The following RIMKLB variants were observed in gnomAD, a reference collection of about 807,000 sequenced individuals.
RIMKLB encodes the protein beta-citrylglutamate synthase B.
Under a neutral mutation model 32.0 loss-of-function variants are expected in RIMKLB, and 7 were observed. That is an observed-to-expected ratio of 0.22 (90% CI 0.12 to 0.41). The LOEUF (loss-of-function observed/expected upper bound fraction) is 0.41, where lower values mean the gene tolerates loss of function less well. Among genes scored for constraint, RIMKLB ranks in the 10% least tolerant of loss-of-function variants. The probability of loss-of-function intolerance (pLI) is 1.00; values close to 1 mark genes in which losing one functional copy is unlikely to be tolerated. For synonymous variants in RIMKLB, 172 were observed against 185.1 expected (o/e 0.93, Z 0.57); for missense variants, 289 against 498.7 (o/e 0.58, Z 4.00).
rs778280055 is a variant in RIMKLB, at chr12:8,753,416, T to G, written c.494-474T>G. Among the ~76,000 whole-genome samples the G allele has an allele frequency of 3.3e-5, 5 of 152,292 alleles. No individual in the cohort carries two copies. The East Asian group carries it at 7.7e-4, about 23-fold the overall frequency. On this transcript the variant is annotated intron_variant, in intron 4 of 5. Transcript: ENST00000535829. ...GAACCATATATCAAAAACAGCCACT[T>G]CCGTTGGCACAGAAATAGACAAATA...
chr12:8,697,831 C>G (rs959613480), upstream of RIMKLB: 8 of 147,086 alleles, frequency 5.4e-5, no homozygotes, highest in African/African-American at 2.0e-4. Context: ...CCCAGCTCCT[C>G]CGGCCGCCGC....
chr12:8,731,775 T>G (rs7953800), intron 2 of RIMKLB, among the ~76,000 whole-genome samples: 5,026 of 152,246 alleles, frequency 0.033, 281 homozygotes, highest in African/African-American at 0.11. Context: ...TGCGGATTTT[T>G]TTTTAACTTT....
chr12:8,775,208 G>T lies in RIMKLB; in HGVS notation c.*1424G>T, dbSNP rs186336552. 12 of 985,604 alleles carry T rather than the reference G, an allele frequency of 1.2e-5. No individual in the cohort carries two copies. In the East Asian group the frequency reaches 1.0e-3, roughly 84 times the overall value. 61.1% of individuals were successfully genotyped at this position (985,604 alleles called of 1,614,324 possible). A position where few individuals can be genotyped will look rare whatever the true frequency, so the allele number is the denominator to read the frequency against. On this transcript the variant is annotated 3_prime_UTR_variant, in exon 6 of 6. Coordinates refer to ENST00000535829, the MANE Select transcript of RIMKLB (RefSeq NM_001297776.2). The stretch of plus-strand genomic sequence containing the variant: ...ATGCATTTTCTCTTTTTACATATAG[G>T]ATTTGGGATTGGGGGTGGGTTGGAT...
intron 2 of RIMKLB, chr12:8,742,787 C>A (rs888631138): frequency 4.5e-6 from 1 of 220,156 alleles, no homozygotes; most frequent in East Asian, 1.2e-4. Context: ...TTTCCAGGAG[C>A]TGTGCCTTCT....
intron 5 of RIMKLB, among the ~76,000 whole-genome samples, chr12:8,771,682 C>T (rs2058456): frequency 0.18 from 28,026 of 151,510 alleles, 2,920 homozygotes; most frequent in East Asian, 0.4. Context: ...TTTTTAGTGG[C>T]GCTCACATTT....
In RIMKLB at chr12:8,754,030, C is replaced by G; in HGVS notation, c.634C>G (p.Arg212Gly). 1 of 1,613,924 alleles carries G rather than the reference C, an allele frequency of 6.2e-7. No homozygotes were observed. Among genetic ancestry groups the G allele is most frequent in the South Asian group, 1.1e-5 (1 of 91,070 alleles). ...RDVRVIVVGG[R>G]VVGTMLRCST... ...TGTACGTGTCATTGTCGTGGGAGGCCGTGTGGTTGGCACCATGTTACGTTG... is the reference window on the plus strand; with the variant it reads ...TGTACGTGTCATTGTCGTGGGAGGCGGTGTGGTTGGCACCATGTTACGTTG... Residue 212 changes from arginine to glycine, a missense_variant, in exon 5 of 6, where the codon CGT becomes GGT. Transcript: ENST00000535829.
At chr12:8,712,295 C>T (rs1305999636) in intron 1 of RIMKLB, among the ~76,000 whole-genome samples, 1 of 152,052 alleles carries the variant, frequency 6.6e-6, no homozygotes, top group Non-Finnish European at 1.5e-5. Flanking sequence ...TATGGTGGCA[C>T]ATGCTACTTG....
At chr12:8,720,940 A>C (rs879815268) in intron 2 of RIMKLB, among the ~76,000 whole-genome samples, 2 of 152,222 alleles carry the variant, frequency 1.3e-5, no homozygotes, top group Non-Finnish European at 2.9e-5. Flanking sequence ...CTCAGAGTCT[A>C]CTGGGACAGA....
chr12:8,763,015 C>T (rs1479534717), intron 5 of RIMKLB, among the ~76,000 whole-genome samples: 3 of 152,122 alleles, frequency 2.0e-5, no homozygotes, highest in African/African-American at 7.2e-5. Flanking sequence ...TTTAATAGAG[C>T]CTGATATTTA....
intron 5 of RIMKLB, among the ~76,000 whole-genome samples, chr12:8,757,150 G>GAT (rs1949109695): frequency 6.6e-6 from 1 of 151,674 alleles, no homozygotes; most frequent in Non-Finnish European, 1.5e-5. Context: ...TTAATTAATA[G>GAT]TTACTCTTCA....
chr12:8,782,300 A>G (rs894672409), intron 7 of RIMKLB, among the ~76,000 whole-genome samples: 4 of 152,104 alleles, frequency 2.6e-5, no homozygotes, highest in African/African-American at 9.7e-5. Flanking sequence ...AATTTTTGTT[A>G]GATTTTTTCT....
intron 2 of RIMKLB, among the ~76,000 whole-genome samples, chr12:8,727,900 CAAA>C (rs112200431): frequency 5.2e-5 from 7 of 135,428 alleles, no homozygotes; most frequent in East Asian, 4.4e-4. Flanking sequence ...GACATTGTCT[CAAA>C]AAAAAAAAAA....
chr12:8,714,432 A>G (rs112397564), intron 2 of RIMKLB, among the ~76,000 whole-genome samples: 5,107 of 152,256 alleles, frequency 0.034, 295 homozygotes, highest in African/African-American at 0.12. Context: ...ACTGTCTTCT[A>G]TTTTTAAAAT....
intron 2 of RIMKLB, among the ~76,000 whole-genome samples, chr12:8,741,759 G>A (rs574227932): frequency 3.9e-5 from 6 of 151,922 alleles, no homozygotes; most frequent in South Asian, 2.1e-4. Flanking sequence ...CAGCCTGGGC[G>A]ACAGAGCAAG....
At chr12:8,689,325 T>C (rs920218797) in intron 1 of RIMKLB, among the ~76,000 whole-genome samples, 11 of 152,268 alleles carry the variant, frequency 7.2e-5, no homozygotes, top group Non-Finnish European at 1.6e-4. Context: ...TTAGACTGAA[T>C]GTGGGCTGAA....
chr12:8,675,612 A>T, the RIMKLB span, among the ~76,000 whole-genome samples: 1 of 152,166 alleles, frequency 6.6e-6, no homozygotes, highest in Non-Finnish European at 1.5e-5. Context: ...GGAAACATCA[A>T]CTCCAAAAGA....
intron 1 of RIMKLB, among the ~76,000 whole-genome samples, chr12:8,711,651 C>T (rs1944389617): frequency 6.6e-6 from 1 of 151,954 alleles, no homozygotes; most frequent in African/African-American, 2.4e-5. Context: ...GTATATCTCC[C>T]AATGCTATCC....
chr12:8,732,707 A>G (rs1364479240), intron 2 of RIMKLB, among the ~76,000 whole-genome samples: 1 of 152,052 alleles, frequency 6.6e-6, no homozygotes, highest in Non-Finnish European at 1.5e-5. Flanking sequence ...CTTCTTGAAT[A>G]TTCTTCCGGG....
upstream of RIMKLB, chr12:8,697,717 C>T (rs972804339): frequency 1.8e-5 from 5 of 273,668 alleles, no homozygotes; most frequent in Non-Finnish European, 3.2e-5. Context: ...CGCCTCTCTT[C>T]CCCCGAGGCC....
Sources: gnomAD v4.1 joint callset for allele counts (sites outside exome capture counted in the v4.1 genomes callset) on GRCh38, gnomAD v4.1.1 for gene constraint, MANE v1.5 for transcripts, NCBI Gene and HGNC (gene_info 2026-07-23, HGNC 2026-07-21) for gene names.